Variants in TACR1 observed in about 807,000 individuals in gnomAD.
The protein encoded by TACR1 is tachykinin receptor 1.
In TACR1, 25 loss-of-function variants were observed where a neutral mutation model predicts 35.8. The ratio of observed to expected loss-of-function variants is 0.70; its 90% CI spans 0.51 to 0.98. The LOEUF is 0.98. Ranked by LOEUF, TACR1 falls within the 50% of genes least tolerant of loss-of-function variation. The pLI, the probability that TACR1 is intolerant of heterozygous loss-of-function variation, is 0.00. For missense variants in TACR1, 478 were observed against 522.9 expected (o/e 0.91, Z 0.84); for synonymous variants, 195 against 206.7 (o/e 0.94, Z 0.48).
At chr2:75,188,900 A>G (rs1675773993) in intron 1 of TACR1, 1 of 152,212 alleles carries the variant, frequency 6.6e-6, no homozygotes, top group Non-Finnish European at 1.5e-5. Context: ...TTGATGATTT[A>G]TGTGGGTAAA....
chr2:75,197,201 T>C (rs1477313308), intron 1 of TACR1, among the ~76,000 whole-genome samples: 1 of 152,212 alleles, frequency 6.6e-6, no homozygotes, highest in East Asian at 1.9e-4. Context: ...AGGAGCTGCA[T>C]ATAGAGAGAT....
intron 1 of TACR1, among the ~76,000 whole-genome samples, chr2:75,144,122 G>A (rs575638697): frequency 8.5e-4 from 129 of 152,280 alleles, no homozygotes; most frequent in African/African-American, 2.9e-3. Flanking sequence ...ACTTTCAGCC[G>A]TAGGGTCCAG....
chr2:75,199,008 TG>T lies in TACR1; in HGVS notation c.-75del. 1 of 1,546,958 alleles carries T rather than the reference TG, an allele frequency of 6.5e-7. No individual in the cohort carries two copies. Among genetic ancestry groups the T allele is most frequent in the South Asian group, 1.2e-5 (1 of 80,208 alleles). On this transcript the variant is annotated 5_prime_UTR_variant, in exon 1 of 5. Coordinates refer to ENST00000305249, the MANE Select transcript of TACR1 (RefSeq NM_001058.4). ...GCAGCAGAGTCCTGTGGCTGGCGCC[TG>T]GGGCTCAGGGTCCTTCTAAAGCCAG...
intron 1 of TACR1, among the ~76,000 whole-genome samples, chr2:75,150,862 T>C (rs531128785): frequency 6.6e-6 from 1 of 152,324 alleles, no homozygotes; most frequent in East Asian, 1.9e-4. Flanking sequence ...GATAGCAATA[T>C]GGACAATAAA....
intron 1 of TACR1, among the ~76,000 whole-genome samples, chr2:75,161,851 C>G (rs996927161): frequency 1.3e-5 from 2 of 152,040 alleles, no homozygotes; most frequent in East Asian, 3.9e-4. Context: ...AGATGGAAAA[C>G]TTGTGTACAA....
Position 75,049,396 on chromosome 2 carries a change from G to C in TACR1, c.*36C>G, listed in dbSNP as rs1672422544. The C allele has an allele frequency of 1.9e-6, 3 of 1,585,156 alleles. No individual in the cohort carries two copies. The highest frequency in any genetic ancestry group is 2.6e-6 in the Non-Finnish European group (3 of 1,161,402). ...CATGCATGAAGGGAGGCAGGTCAAA[G>C]GCAGTGGGGGCTGCACCTGCCAAAG... On this transcript the variant is annotated 3_prime_UTR_variant, in exon 5 of 5. Transcript: ENST00000305249.
chr2:75,170,528 A>G (rs1253822676), intron 1 of TACR1, among the ~76,000 whole-genome samples: 7 of 152,210 alleles, frequency 4.6e-5, no homozygotes, highest in Admixed American at 4.6e-4. Context: ...GCCACTTTGG[A>G]ACTGGGTAAC....
At chr2:75,150,295 C>G (rs530990596) in intron 1 of TACR1, among the ~76,000 whole-genome samples, 5 of 152,254 alleles carry the variant, frequency 3.3e-5, no homozygotes, top group African/African-American at 1.2e-4. Flanking sequence ...GAGGTAGGAA[C>G]TTTAATAAGC....
chr2:75,053,281 G>T (rs1014861970), intron 3 of TACR1, among the ~76,000 whole-genome samples: 1 of 152,058 alleles, frequency 6.6e-6, no homozygotes, highest in Non-Finnish European at 1.5e-5. Flanking sequence ...TGAACCACGT[G>T]AATGTATTAT....
chr2:75,191,732 G>A (rs1355716479), intron 1 of TACR1, among the ~76,000 whole-genome samples: 1 of 152,184 alleles, frequency 6.6e-6, no homozygotes, highest in Non-Finnish European at 1.5e-5. Context: ...TCAAGGCACA[G>A]CATCGTAAGT....
chr2:75,110,479 G>T (rs542253019), intron 2 of TACR1, among the ~76,000 whole-genome samples: 26 of 151,738 alleles, frequency 1.7e-4, no homozygotes, highest in African/African-American at 6.0e-4. Context: ...AAAACATTGC[G>T]TATTAAATTT....
chr2:75,051,366 T>C lies in TACR1; in HGVS notation c.817A>G (p.Ile273Val). 6.2e-7 allele frequency: 1 copy of C among 1,614,178 alleles called. No homozygotes were observed. Among genetic ancestry groups the C allele is most frequent in the Non-Finnish European group, 8.5e-7 (1 of 1,180,024 alleles). The change falls in exon 4 of 5, where the codon ATC becomes GTC. Residue 273 changes from isoleucine to valine, a missense_variant. Transcript: ENST00000305249. ...TTCTTCAGGTAGAGATCTGGGTTGA[T>C]GTAGGGCAGGAGGAAGAAGATGTGG... is the stretch of plus-strand genomic sequence containing the variant. ...PFHIFFLLPY[I>V]NPDLYLKKFI... is the part of the protein sequence containing the mutation.
chr2:75,183,107 T>C (rs776769604), intron 1 of TACR1, among the ~76,000 whole-genome samples: 3 of 152,124 alleles, frequency 2.0e-5, no homozygotes, highest in Non-Finnish European at 2.9e-5. Context: ...CAAGCATGAG[T>C]GTGTTCAATG....
intron 1 of TACR1, among the ~76,000 whole-genome samples, chr2:75,141,346 C>T (rs1391487664): frequency 1.3e-5 from 2 of 152,150 alleles, no homozygotes; most frequent in Non-Finnish European, 2.9e-5. Context: ...CTTGTTGCCT[C>T]TCCAAGATAA....
At chr2:75,113,387 A>G (rs907343298) in intron 2 of TACR1, among the ~76,000 whole-genome samples, 2 of 152,152 alleles carry the variant, frequency 1.3e-5, no homozygotes, top group African/African-American at 4.8e-5. Context: ...ATTGGTATGT[A>G]GAGGCCATAA....
Position 75,047,883 on chromosome 2 carries a change from AT to A in TACR1, c.*1548del, listed in dbSNP as rs1439457488. Reference sequence around the variant, plus strand: ...TTATGGATGCGGCACATGTGCATCCATTATGCAAACTACCAGGAGGACATTC... The same window carrying A: ...TTATGGATGCGGCACATGTGCATCCATATGCAAACTACCAGGAGGACATTC... On this transcript the variant is annotated 3_prime_UTR_variant, in exon 5 of 5. Transcript: ENST00000305249. 1 of 152,206 alleles carries A rather than the reference AT, an allele frequency of 6.6e-6. No individual in the cohort carries two copies. The highest frequency in any genetic ancestry group is 1.5e-5 in the Non-Finnish European group (1 of 68,022). 9.4% of individuals were successfully genotyped at this position (152,206 alleles called of 1,614,324 possible). A position where few individuals can be genotyped will look rare whatever the true frequency, so the allele number is the denominator to read the frequency against.
At chr2:75,167,763 G>T (rs192887545) in intron 1 of TACR1, among the ~76,000 whole-genome samples, 15 of 152,050 alleles carry the variant, frequency 9.9e-5, no homozygotes, top group African/African-American at 3.6e-4. Flanking sequence ...GAAAAATTAA[G>T]AAAAAATAAC....
chr2:75,195,613 A>G (rs911447321), intron 1 of TACR1, among the ~76,000 whole-genome samples: 1 of 152,216 alleles, frequency 6.6e-6, no homozygotes, highest in Non-Finnish European at 1.5e-5. Context: ...ATAGCTTTTT[A>G]AAAATTCATT....
At chr2:75,127,714 T>C (rs1034601931) in intron 1 of TACR1, among the ~76,000 whole-genome samples, 1 of 152,214 alleles carries the variant, frequency 6.6e-6, no homozygotes, top group African/African-American at 2.4e-5. Flanking sequence ...GTCCTTGGGC[T>C]ATTAGGAAAC....
Sources: allele counts gnomAD v4.1 joint callset (sites outside exome capture counted in the v4.1 genomes callset), GRCh38; gene constraint gnomAD v4.1.1; transcripts MANE v1.5; gene names NCBI Gene and HGNC (gene_info 2026-07-23, HGNC 2026-07-21).